Variants in SMPX observed in about 807,000 individuals in gnomAD.
The protein encoded by SMPX is small muscle protein X-linked, also known as small muscular protein.
A neutral mutation model predicts 6.3 loss-of-function variants in SMPX; 2 were observed. The observed-to-expected ratio is 0.32, with a 90% confidence interval of 0.13 to 0.99. The LOEUF (loss-of-function observed/expected upper bound fraction) is 0.99, where lower values mean the gene tolerates loss of function less well. Among genes scored for constraint, SMPX ranks in the 50% least tolerant of loss-of-function variants. SMPX has a pLI of 0.49. For synonymous variants in SMPX, 32 were observed against 24.7 expected (o/e 1.30, Z -0.88); for missense variants, 60 against 66.8 (o/e 0.90, Z 0.36).
chrX:21,734,393 G>A (rs925835679), intron 4 of SMPX, among the ~76,000 whole-genome samples: 8 of 111,778 alleles, frequency 7.2e-5, no homozygotes, highest in African/African-American at 2.6e-4. Context: ...GCTGACAGTG[G>A]TTTCTGATAG....
chrX:21,718,257 A>C (rs1261809207), intron 4 of SMPX, among the ~76,000 whole-genome samples: 2 of 112,555 alleles, frequency 1.8e-5, no homozygotes, highest in African/African-American at 3.2e-5. Flanking sequence ...AGCAACAAGA[A>C]TACATAGTGG....
At chrX:21,726,309 C>G (rs890330697) in intron 4 of SMPX, among the ~76,000 whole-genome samples, 24 of 112,158 alleles carry the variant, frequency 2.1e-4, no homozygotes, top group African/African-American at 7.8e-4. Flanking sequence ...TCGCAGAACT[C>G]AGATTCCCAA....
intron 4 of SMPX, among the ~76,000 whole-genome samples, chrX:21,731,699 A>AGTGTGTAT (rs1555973422): frequency 7.8e-5 from 7 of 90,019 alleles, no homozygotes; most frequent in South Asian, 5.6e-4. Flanking sequence ...TGTACACATA[A>AGTGTGTAT]ATGTGTATAT....
intron 4 of SMPX, among the ~76,000 whole-genome samples, chrX:21,708,587 G>A (rs746165151): frequency 2.7e-5 from 3 of 111,846 alleles, no homozygotes; most frequent in Non-Finnish European, 5.6e-5. Context: ...GAGGTGTCCC[G>A]ACTTTAGGGC....
intron 4 of SMPX, among the ~76,000 whole-genome samples, chrX:21,710,836 C>T (rs1159391124): frequency 9.0e-6 from 1 of 111,541 alleles, no homozygotes; most frequent in African/African-American, 3.3e-5. Context: ...GCACCTACTA[C>T]GTGCCAGGAA....
intron 4 of SMPX, among the ~76,000 whole-genome samples, chrX:21,716,823 GAA>G (rs1381454600): frequency 2.7e-5 from 3 of 111,944 alleles, no homozygotes; most frequent in Non-Finnish European, 5.6e-5. Context: ...TGGAAAGAAA[GAA>G]GAGAGATTTG....
intron 4 of SMPX, among the ~76,000 whole-genome samples, chrX:21,732,858 G>C (rs1032805295): frequency 1.8e-5 from 2 of 110,928 alleles, no homozygotes; most frequent in Non-Finnish European, 3.8e-5. Flanking sequence ...GAGGTCATGA[G>C]TGTGGGGTCC....
intron 4 of SMPX, among the ~76,000 whole-genome samples, chrX:21,719,408 C>T (rs2092789025): frequency 9.1e-6 from 1 of 110,253 alleles, no homozygotes; most frequent in South Asian, 4.0e-4. Context: ...ATCCCAGCTC[C>T]TCCGGAGGCT....
chrX:21,739,393 G>T (rs2092813872), intron 3 of SMPX, among the ~76,000 whole-genome samples: 1 of 111,632 alleles, frequency 9.0e-6, no homozygotes, highest in Admixed American at 9.5e-5. Context: ...CTTTAAATCT[G>T]GTACAGTGCT....
intron 4 of SMPX, among the ~76,000 whole-genome samples, chrX:21,716,800 A>T (rs1214196682): frequency 2.7e-5 from 3 of 111,685 alleles, no homozygotes; most frequent in African/African-American, 9.8e-5. Flanking sequence ...ACTCAGTGGA[A>T]AATAGGATTT....
intron 2 of SMPX, among the ~76,000 whole-genome samples, chrX:21,749,478 T>C (rs1044478192): frequency 1.2e-4 from 13 of 111,907 alleles, no homozygotes; most frequent in Non-Finnish European, 1.9e-5. Context: ...TTGGTGCTTA[T>C]GATTATCCTT....
At chrX:21,750,165 T>A (rs1053194367) in intron 2 of SMPX, among the ~76,000 whole-genome samples, 1 of 111,596 alleles carries the variant, frequency 9.0e-6, no homozygotes, top group Non-Finnish European at 1.9e-5. Context: ...AAACAGATCA[T>A]TGATGGGATT....
chrX:21,715,531 G>A (rs2092784145), intron 4 of SMPX, among the ~76,000 whole-genome samples: 1 of 111,029 alleles, frequency 9.0e-6, no homozygotes, highest in South Asian at 3.8e-4. Context: ...GCCTAGGAGG[G>A]CTTCTCAGTA....
intron 4 of SMPX, among the ~76,000 whole-genome samples, chrX:21,728,651 G>A (rs2092800115): frequency 8.9e-6 from 1 of 112,502 alleles, no homozygotes; most frequent in South Asian, 3.6e-4. Context: ...AAAGACTATA[G>A]CTAAAAGAAC....
In SMPX at chrX:21,731,420, C is replaced by CACACATATATGTGTGTATGTGTACACAT. The variant is rs1569306423; in HGVS notation, c.*14+6101_*14+6128dup. Among the ~76,000 whole-genome samples the CACACATATATGTGTGTATGTGTACACAT allele has an allele frequency of 4.2e-3, 289 of 68,692 alleles. 11 individuals carry two copies. The highest frequency in any genetic ancestry group is 0.015 in the African/African-American group (276 of 17,932). 59.7% of individuals were successfully genotyped at this position (68,692 alleles called of 115,157 possible). On this transcript the variant is annotated intron_variant, in intron 4 of 4. Transcript: ENST00000379494. ...ACACACTATACATATAATATATATACACACATATATGTGTGTATGTGTACA... is the reference window on the plus strand; with the variant it reads ...ACACACTATACATATAATATATATACACACATATATGTGTGTATGTGTACACATACACATATATGTGTGTATGTGTACA...
chrX:21,707,828 G>A (rs2092774572), intron 4 of SMPX, among the ~76,000 whole-genome samples: 1 of 112,343 alleles, frequency 8.9e-6, no homozygotes, highest in South Asian at 3.7e-4. Context: ...CCCTAACCAG[G>A]CCCCATGTAG....
chrX:21,720,440 C>A (rs950512137), intron 4 of SMPX, among the ~76,000 whole-genome samples: 3 of 112,563 alleles, frequency 2.7e-5, no homozygotes, highest in Non-Finnish European at 5.6e-5. Flanking sequence ...AGGCTAGAAC[C>A]ACCCAGCTAA....
At position 21,754,279 on chromosome X, in the gene SMPX, C is replaced by T. The variant is rs375612194; in HGVS notation, c.12G>A (p.Ser4=). The T allele has an allele frequency of 1.9e-5, 23 of 1,208,471 alleles. No homozygotes were observed. The South Asian group carries it at 2.3e-4, about 12-fold the overall frequency. Residue 4 remains serine, a synonymous_variant, in exon 2 of 5, where the codon TCG becomes TCA. Transcript: ENST00000379494. MNM[S]KQPVSNVRAI... is the part of the protein sequence containing the mutation. ...CTCTAACATTGGAAACTGGCTGTTT[C>T]GACATATTCATGCAGTCTTATCCCT...
At chrX:21,729,218 T>C (rs773203243) in intron 4 of SMPX, among the ~76,000 whole-genome samples, 13 of 113,070 alleles carry the variant, frequency 1.1e-4, no homozygotes, top group Non-Finnish European at 2.2e-4. Flanking sequence ...ATTACTTTAC[T>C]CTTTTTATTA....
Sources: allele counts gnomAD v4.1 joint callset (sites outside exome capture counted in the v4.1 genomes callset), GRCh38; gene constraint gnomAD v4.1.1; transcripts MANE v1.5; gene names NCBI Gene and HGNC (gene_info 2026-07-23, HGNC 2026-07-21).